Variants in ATP8A1 observed in about 807,000 individuals in gnomAD.
ATP8A1 encodes the protein ATPase phospholipid transporting 8A1.
A neutral mutation model predicts 177.7 loss-of-function variants in ATP8A1; 90 were observed. The observed-to-expected ratio is 0.51, with a 90% CI of 0.43 to 0.60. The LOEUF (loss-of-function observed/expected upper bound fraction) is 0.60. Ranked by LOEUF, ATP8A1 falls within the 20% of genes least tolerant of loss-of-function variation. The pLI, the probability that ATP8A1 is intolerant of heterozygous loss-of-function variation, is 0.00. For missense variants in ATP8A1, 1,072 were observed against 1,392.8 expected, an observed-to-expected ratio of 0.77 and a Z score of 3.67; for synonymous variants, 493 against 485.9, an observed-to-expected ratio of 1.01 and a Z score of -0.19.
intron 30 of ATP8A1, among the ~76,000 whole-genome samples, chr4:42,448,546 C>T (rs1194592046): frequency 3.3e-5 from 5 of 151,396 alleles, no homozygotes; most frequent in South Asian, 2.1e-4. Flanking sequence ...TACAGGCACA[C>T]GTCACCATGC....
At chr4:42,500,884 T>A (rs1723791635) in intron 24 of ATP8A1, among the ~76,000 whole-genome samples, 1 of 152,224 alleles carries the variant, frequency 6.6e-6, no homozygotes, top group Non-Finnish European at 1.5e-5. Flanking sequence ...GATACTCATA[T>A]TGAAACTCAA....
intron 22 of ATP8A1, among the ~76,000 whole-genome samples, chr4:42,519,253 C>G (rs946199968): frequency 6.6e-6 from 1 of 151,986 alleles, no homozygotes; most frequent in African/African-American, 2.4e-5. Context: ...CCACATCCAG[C>G]TAATTTTTAA....
At position 42,625,668 on chromosome 4, in the gene ATP8A1, G is replaced by A. The variant is rs267600161; in HGVS notation, c.210C>T (p.Tyr70=). The change falls in exon 3 of 37, where the codon TAC becomes TAT. Residue 70 remains tyrosine, a synonymous_variant. Coordinates refer to ENST00000381668, the MANE Select transcript of ATP8A1 (RefSeq NM_006095.2). ...AATTAGCAGCTCTTCTGAACTGAGA[G>A]TAGAGAAATCTTGGAAGGAATGTGA... ...NIITFLPRFL[Y]SQFRRAANSF... 1 of 1,609,156 alleles carries A rather than the reference G, an allele frequency of 6.2e-7. No individual in the cohort carries two copies. Among genetic ancestry groups the A allele is most frequent in the Non-Finnish European group, 8.5e-7 (1 of 1,177,616 alleles).
At chr4:42,543,642 C>T (rs1728618432) in intron 20 of ATP8A1, among the ~76,000 whole-genome samples, 1 of 152,126 alleles carries the variant, frequency 6.6e-6, no homozygotes, top group Admixed American at 6.5e-5. Context: ...TAACTGTCTT[C>T]TAACAATTTA....
intron 1 of ATP8A1, among the ~76,000 whole-genome samples, chr4:42,635,770 C>G (rs796813158): frequency 0.017 from 1,033 of 59,304 alleles, 36 homozygotes; most frequent in African/African-American, 0.055. Flanking sequence ...CACACACACA[C>G]ACACACACAC....
At chr4:42,451,627 A>G (rs1434259384) in intron 30 of ATP8A1, among the ~76,000 whole-genome samples, 4 of 152,238 alleles carry the variant, frequency 2.6e-5, no homozygotes, top group Non-Finnish European at 5.9e-5. Flanking sequence ...AGTTCAGTAT[A>G]AAGGGCTTGA....
Position 42,448,396 on chromosome 4 carries a change from C to CTTTACTTTTTTTTTTTTTTTTTTTTTTT in ATP8A1, c.2897-1753_2897-1752insAAAAAAAAAAAAAAAAAAAAAAAGTAAA, listed in dbSNP as rs778022629. Among the ~76,000 whole-genome samples, 63 of 84,144 alleles carry CTTTACTTTTTTTTTTTTTTTTTTTTTTT rather than the reference C, an allele frequency of 7.5e-4. 12 individuals carry two copies. The highest frequency in any genetic ancestry group is 1.4e-3 in the East Asian group (3 of 2,094). The allele number at this position is 84,144 out of a possible 152,430, so 55.2% of individuals were successfully genotyped here. ...GTAGCCTCCCTCCCTCCTTCTCTTTCTTTTCTTTTTTTTTTTTTTGAGATG... is the reference window on the plus strand; with the variant it reads ...GTAGCCTCCCTCCCTCCTTCTCTTTCTTTACTTTTTTTTTTTTTTTTTTTTTTTTTTTCTTTTTTTTTTTTTTGAGATG... On this transcript the variant is annotated intron_variant, in intron 30 of 36. Coordinates refer to ENST00000381668, the MANE Select transcript of ATP8A1 (RefSeq NM_006095.2).
chr4:42,517,872 T>C (rs1725720822), intron 22 of ATP8A1, among the ~76,000 whole-genome samples: 1 of 152,192 alleles, frequency 6.6e-6, no homozygotes, highest in Admixed American at 6.5e-5. Flanking sequence ...TCGAGATGAC[T>C]GTCAATAGGG....
At chr4:42,520,453 A>G (rs550718225) in intron 22 of ATP8A1, among the ~76,000 whole-genome samples, 8 of 152,310 alleles carry the variant, frequency 5.3e-5, no homozygotes, top group African/African-American at 1.9e-4. Context: ...GGCAGATTAA[A>G]AGAGATTGTG....
chr4:42,451,315 T>G (rs73235570), intron 30 of ATP8A1, among the ~76,000 whole-genome samples: 23,378 of 152,214 alleles, frequency 0.15, 2,226 homozygotes, highest in South Asian at 0.24. Context: ...ACCGTAGTAT[T>G]GAAGCAGGCA....
At chr4:42,465,106 T>C in intron 25 of ATP8A1, 30 bp from the exon 26 acceptor site, 1 of 1,578,568 alleles carries the variant, frequency 6.3e-7, no homozygotes, top group South Asian at 1.1e-5. Flanking sequence ...TCAATTACTG[T>C]TTTCTGAAAA....
intron 25 of ATP8A1, among the ~76,000 whole-genome samples, chr4:42,478,765 T>C (rs1578016179): frequency 6.6e-6 from 1 of 152,196 alleles, no homozygotes; most frequent in African/African-American, 2.4e-5. Context: ...TTCCTTTCTG[T>C]CCTGCTGCTA....
intron 31 of ATP8A1, among the ~76,000 whole-genome samples, chr4:42,445,315 A>C (rs1288291810): frequency 6.6e-6 from 1 of 152,210 alleles, no homozygotes; most frequent in Non-Finnish European, 1.5e-5. Flanking sequence ...ATTGTGGTTA[A>C]TGAACAAAGC....
intron 25 of ATP8A1, among the ~76,000 whole-genome samples, chr4:42,479,113 A>G (rs1032298689): frequency 1.3e-5 from 2 of 152,182 alleles, no homozygotes; most frequent in African/African-American, 4.8e-5. Context: ...ACACTTTATT[A>G]TGGCCCCAGG....
chr4:42,471,339 A>T (rs917626765), intron 25 of ATP8A1, among the ~76,000 whole-genome samples: 4 of 152,236 alleles, frequency 2.6e-5, no homozygotes, highest in Non-Finnish European at 5.9e-5. Context: ...TACAATATAG[A>T]GACTGAGTCT....
chr4:42,422,789 A>G lies in ATP8A1; in HGVS notation c.3305+18T>C, dbSNP rs1336064775. On this transcript the variant is annotated intron_variant, in intron 35 of 36. Coordinates refer to ENST00000381668, the MANE Select transcript of ATP8A1 (RefSeq NM_006095.2). ...TTAAAGTTCATTTGGAAAAGAATAT[A>G]TTCACTGTGTATTTTACCTTTTTCC... 8 of 1,585,812 alleles carry G rather than the reference A, an allele frequency of 5.0e-6. No homozygotes were observed. Among genetic ancestry groups the G allele is most frequent in the South Asian group, 1.1e-5 (1 of 90,030 alleles).
chr4:42,501,599 C>G (rs1723860869), intron 24 of ATP8A1, among the ~76,000 whole-genome samples: 1 of 152,244 alleles, frequency 6.6e-6, no homozygotes, highest in Non-Finnish European at 1.5e-5. Flanking sequence ...CTATTCACTA[C>G]TGATCAGTAC....
chr4:42,414,988 G>T, intron 35 of ATP8A1: 1 of 399,674 alleles, frequency 2.5e-6, no homozygotes, highest in Non-Finnish European at 4.6e-6. Flanking sequence ...CCCCCACTCA[G>T]TTATATTTAA....
chr4:42,486,806 A>G (rs1722240003), intron 24 of ATP8A1, among the ~76,000 whole-genome samples: 1 of 152,196 alleles, frequency 6.6e-6, no homozygotes, highest in Non-Finnish European at 1.5e-5. Flanking sequence ...AGTATTCAGT[A>G]CAATAACAGG....
Sources: allele counts gnomAD v4.1 joint callset (sites outside exome capture counted in the v4.1 genomes callset), GRCh38; gene constraint gnomAD v4.1.1; transcripts MANE v1.5; gene names NCBI Gene and HGNC (gene_info 2026-07-23, HGNC 2026-07-21).